RASSF8: variants seen among roughly 807,000 people sequenced by gnomAD.
The protein encoded by RASSF8 is Ras association domain family member 8, also known as ras association domain-containing protein 8.
In RASSF8, 22 loss-of-function variants were observed where a neutral mutation model predicts 48.5. The ratio of observed to expected loss-of-function variants is 0.45; its 90% CI spans 0.32 to 0.65. The LOEUF is 0.65. RASSF8 is among the 30% of genes least tolerant of loss of function. The pLI, the probability that RASSF8 is intolerant of heterozygous loss-of-function variation, is 0.03. For missense variants in RASSF8, 418 were observed against 489.2 expected, an observed-to-expected ratio of 0.85 and a Z score of 1.37; for synonymous variants, 127 against 171.5, an observed-to-expected ratio of 0.74 and a Z score of 2.03.
At chr12:25,988,153 G>A (rs1162131099) in intron 1 of RASSF8, among the ~76,000 whole-genome samples, 2 of 151,836 alleles carry the variant, frequency 1.3e-5, no homozygotes, top group African/African-American at 2.4e-5. Context: ...GAGCCACCAC[G>A]CCTGGTCGAA....
upstream of RASSF8, chr12:25,958,460 T>C (rs569543743): frequency 2.0e-5 from 3 of 151,634 alleles, no homozygotes; most frequent in South Asian, 4.1e-4. Flanking sequence ...AATGCAGCGC[T>C]GGCGTCCCAG....
chr12:26,001,491 C>G (rs1290076014), intron 2 of RASSF8, among the ~76,000 whole-genome samples: 1 of 152,080 alleles, frequency 6.6e-6, no homozygotes, highest in South Asian at 2.1e-4. Flanking sequence ...AATACAAATA[C>G]ATTGTACAGC....
chr12:26,065,054 TGAG>T lies in RASSF8; in HGVS notation c.666_668del (p.Glu224del). ...AGATCAAAAGAAACGATGTAGAAAT[TGAG>T]GAGGAAGAATTCTGGGAAAATGAAT... On this transcript the variant is annotated inframe_deletion, in exon 4 of 6. Transcript: ENST00000689635. The T allele has an allele frequency of 6.2e-7, 1 of 1,613,596 alleles. No homozygotes were observed. Among genetic ancestry groups the T allele is most frequent in the South Asian group, 1.1e-5 (1 of 90,990 alleles).
chr12:26,073,821 T>TAC (rs757140768), downstream of RASSF8, among the ~76,000 whole-genome samples: 1,007 of 65,248 alleles, frequency 0.015, 13 homozygotes, highest in Middle Eastern at 0.04. Flanking sequence ...TATATACACA[T>TAC]ACACACACAC....
chr12:25,988,597 C>G (rs1941943049), intron 1 of RASSF8, among the ~76,000 whole-genome samples: 2 of 152,138 alleles, frequency 1.3e-5, no homozygotes, highest in African/African-American at 4.8e-5. Flanking sequence ...TAGCCCTCTC[C>G]CTCATGACTA....
At chr12:26,049,528 G>T (rs927285280) in intron 2 of RASSF8, among the ~76,000 whole-genome samples, 106 of 152,146 alleles carry the variant, frequency 7.0e-4, no homozygotes, top group African/African-American at 2.5e-3. Flanking sequence ...ACTCCCAAAA[G>T]ATTTCCAATG....
At chr12:25,983,366 A>C (rs1308066598) in intron 1 of RASSF8, among the ~76,000 whole-genome samples, 1 of 152,274 alleles carries the variant, frequency 6.6e-6, no homozygotes, top group African/African-American at 2.4e-5. Context: ...ACTGGAAGAT[A>C]GTTCTGAGCT....
At chr12:26,008,368 T>C (rs1045918083) in intron 2 of RASSF8, among the ~76,000 whole-genome samples, 1 of 152,238 alleles carries the variant, frequency 6.6e-6, no homozygotes, top group Admixed American at 6.5e-5. Flanking sequence ...CCATCCCCTT[T>C]AGCATGTTCT....
chr12:26,022,701 CAA>C (rs34763651), intron 2 of RASSF8, among the ~76,000 whole-genome samples: 8 of 151,284 alleles, frequency 5.3e-5, no homozygotes, highest in East Asian at 1.9e-4. Flanking sequence ...AGTATAATAA[CAA>C]AAAAAATTTA....
At chr12:26,008,299 G>C (rs1190115839) in intron 2 of RASSF8, among the ~76,000 whole-genome samples, 1 of 152,100 alleles carries the variant, frequency 6.6e-6, no homozygotes, top group African/African-American at 2.4e-5. Flanking sequence ...TTAAATGTTA[G>C]ATATAGATAG....
chr12:26,001,551 T>C (rs1343431668), intron 2 of RASSF8, among the ~76,000 whole-genome samples: 1 of 152,194 alleles, frequency 6.6e-6, no homozygotes, highest in East Asian at 1.9e-4. Context: ...TTTTTTCTAT[T>C]TTTAAAATTA....
intron 2 of RASSF8, among the ~76,000 whole-genome samples, chr12:26,050,312 A>G (rs887292027): frequency 6.6e-6 from 1 of 152,146 alleles, no homozygotes; most frequent in South Asian, 2.1e-4. Context: ...GAAAATTTGC[A>G]TTGCTATTGA....
intron 2 of RASSF8, among the ~76,000 whole-genome samples, chr12:26,006,926 A>G (rs189745702): frequency 1.1e-4 from 17 of 152,326 alleles, no homozygotes; most frequent in Admixed American, 4.6e-4. Flanking sequence ...ATTTGTAAAG[A>G]AAAAAGGTTT....
chr12:26,001,041 G>C (rs1460044707), intron 2 of RASSF8, among the ~76,000 whole-genome samples: 2 of 130,644 alleles, frequency 1.5e-5, no homozygotes, highest in Non-Finnish European at 1.6e-5. Context: ...CTGGAGTGCA[G>C]TGGCATTGTC....
At chr12:25,983,135 T>G (rs1004755426) in intron 1 of RASSF8, among the ~76,000 whole-genome samples, 1 of 152,060 alleles carries the variant, frequency 6.6e-6, no homozygotes, top group Admixed American at 6.6e-5. Flanking sequence ...CAGAATTAGG[T>G]GTGTAATAAT....
chr12:25,969,280 C>T (rs1004526978), intron 1 of RASSF8, among the ~76,000 whole-genome samples: 1 of 152,180 alleles, frequency 6.6e-6, no homozygotes, highest in Admixed American at 6.5e-5. Context: ...AAAAACCCAA[C>T]CGTCTGCCTG....
In RASSF8 at chr12:26,070,637, T is replaced by C. The variant is rs74071691; in HGVS notation, c.*1819T>C. 782 of 951,852 alleles carry C rather than the reference T, an allele frequency of 8.2e-4. 5 individuals carry two copies. The African/African-American group carries it at 0.013, about 16-fold the overall frequency. The allele number at this position is 951,852 out of a possible 1,614,324, so 59.0% of individuals were successfully genotyped here. The stretch of plus-strand genomic sequence containing the variant: ...ATTAGGATGATTAAAAAATAATTTA[T>C]AGATTTTGTGACAGTAATGATTTAC... On this transcript the variant is annotated 3_prime_UTR_variant, in exon 6 of 6. Coordinates refer to ENST00000689635, the MANE Select transcript of RASSF8 (RefSeq NM_001394098.1).
intron 1 of RASSF8, among the ~76,000 whole-genome samples, chr12:25,977,520 C>T (rs2136891233): frequency 6.6e-6 from 1 of 151,492 alleles, no homozygotes; most frequent in East Asian, 1.9e-4. Flanking sequence ...CATTGCAGTT[C>T]TTGTTCTTGA....
rs1943988192 is a variant in RASSF8, at chr12:26,071,033, C to A, written c.*2215C>A. ...CAGAATTTCCAAGCTGCCAAATAAT[C>A]TTCATAGACCTAATTACAGATTTAA... is the stretch of plus-strand genomic sequence containing the variant. On this transcript the variant is annotated 3_prime_UTR_variant, in exon 6 of 6. Coordinates refer to ENST00000689635, the MANE Select transcript of RASSF8 (RefSeq NM_001394098.1). 2.0e-6 allele frequency: 2 copies of A among 984,948 alleles called. No homozygotes were observed. The highest frequency in any genetic ancestry group is 2.4e-6 in the Non-Finnish European group (2 of 829,668). 61.0% of individuals were successfully genotyped at this position (984,948 alleles called of 1,614,324 possible).
Sources: gnomAD v4.1 joint callset for allele counts (sites outside exome capture counted in the v4.1 genomes callset) on GRCh38, gnomAD v4.1.1 for gene constraint, MANE v1.5 for transcripts, NCBI Gene and HGNC (gene_info 2026-07-23, HGNC 2026-07-21) for gene names.